FBXW7: variants seen among roughly 807,000 people sequenced by gnomAD.
FBXW7 encodes the protein F-box and WD repeat domain containing 7.
A neutral mutation model predicts 86.3 loss-of-function variants in FBXW7; 11 were observed. The observed-to-expected ratio is 0.13, with a 90% CI of 0.08 to 0.21. The LOEUF (loss-of-function observed/expected upper bound fraction) is 0.21. Ranked by LOEUF, FBXW7 falls within the 10% of genes least tolerant of loss-of-function variation. The pLI, the probability that FBXW7 is intolerant of heterozygous loss-of-function variation, is 1.00. For synonymous variants in FBXW7, 313 were observed against 297.9 expected, an observed-to-expected ratio of 1.05 and a Z score of -0.52; for missense variants, 488 against 847.4, an observed-to-expected ratio of 0.58 and a Z score of 5.27.
intron 2 of FBXW7, among the ~76,000 whole-genome samples, chr4:152,438,025 T>C (rs915708484): frequency 6.6e-6 from 1 of 151,158 alleles, no homozygotes; most frequent in Admixed American, 6.6e-5. Context: ...AAATATAAAA[T>C]TAGCCGGGTG....
chr4:152,371,668 T>A (rs550898884), intron 4 of FBXW7, among the ~76,000 whole-genome samples: 1 of 152,142 alleles, frequency 6.6e-6, no homozygotes, highest in African/African-American at 2.4e-5. Context: ...ACACACTGTA[T>A]GTTGGCACAA....
chr4:152,525,695 T>C, intron 2 of FBXW7, among the ~76,000 whole-genome samples: 1 of 152,228 alleles, frequency 6.6e-6, no homozygotes, highest in East Asian at 1.9e-4. Flanking sequence ...CTTTATCCAA[T>C]CTGTCACTGA....
At chr4:152,534,087 C>T (rs532330549) in intron 2 of FBXW7, among the ~76,000 whole-genome samples, 141 of 151,872 alleles carry the variant, frequency 9.3e-4, no homozygotes, top group African/African-American at 3.2e-3. Flanking sequence ...TGACAAGATA[C>T]CTAAAATACA....
intron 2 of FBXW7, among the ~76,000 whole-genome samples, chr4:152,419,577 T>G (rs1365405466): frequency 1.3e-5 from 2 of 150,274 alleles, no homozygotes; most frequent in African/African-American, 4.9e-5. Context: ...TTATCTGCCT[T>G]CTGTAACGAC....
intron 2 of FBXW7, among the ~76,000 whole-genome samples, chr4:152,485,266 T>A (rs1745241639): frequency 6.6e-6 from 1 of 152,102 alleles, no homozygotes; most frequent in Non-Finnish European, 1.5e-5. Flanking sequence ...AACCTTCCTA[T>A]TAGAAAAAGT....
At position 152,530,070 on chromosome 4, in the gene FBXW7, TACACACAC is replaced by T. The variant is rs200498212; in HGVS notation, c.-120+4863_-120+4870del. 2.3e-3 allele frequency among the ~76,000 whole-genome samples: 288 copies of T among 124,672 alleles called. 2 individuals are homozygous for T. The highest frequency in any genetic ancestry group is 5.7e-3 in the African/African-American group (192 of 33,638). The allele number at this position is 124,672 out of a possible 152,430, so 81.8% of individuals were successfully genotyped here. A position where few individuals can be genotyped will look rare whatever the true frequency, so the allele number is the denominator to read the frequency against. ...GACCCCGTCACAAAAAAAAAAAAAA[TACACACAC>T]ACACACACACACACACACACACACG... On this transcript the variant is annotated intron_variant, in intron 2 of 13. Coordinates refer to ENST00000281708, the MANE Select transcript of FBXW7 (RefSeq NM_001349798.2).
chr4:152,362,844 A>AC (rs1578996167), intron 4 of FBXW7, among the ~76,000 whole-genome samples: 1 of 151,674 alleles, frequency 6.6e-6, no homozygotes, highest in East Asian at 1.9e-4. Context: ...AAAAAAAAAA[A>AC]AAAAACAACA....
At chr4:152,338,062 C>T (rs1730339727) in intron 6 of FBXW7, 126 bp from the exon 7 acceptor site, 2 of 738,464 alleles carry the variant, frequency 2.7e-6, no homozygotes, top group Admixed American at 7.8e-5. Context: ...AAAGTGGCTC[C>T]TTATAGTGAC....
chr4:152,503,825 C>G (rs1463880726), intron 2 of FBXW7, among the ~76,000 whole-genome samples: 1 of 152,080 alleles, frequency 6.6e-6, no homozygotes, highest in African/African-American at 2.4e-5. Context: ...CTGTATGATA[C>G]ACATTGAAAA....
intron 2 of FBXW7, among the ~76,000 whole-genome samples, chr4:152,429,047 G>A (rs1346195219): frequency 6.6e-6 from 1 of 151,966 alleles, no homozygotes; most frequent in Non-Finnish European, 1.5e-5. Context: ...AAAATTAGCT[G>A]GGCATGGTGA....
chr4:152,416,785 C>A (rs1271806759), intron 2 of FBXW7, among the ~76,000 whole-genome samples: 3 of 152,160 alleles, frequency 2.0e-5, no homozygotes, highest in Non-Finnish European at 4.4e-5. Flanking sequence ...AAAGACTATT[C>A]CTCAGTCCAC....
intron 4 of FBXW7, among the ~76,000 whole-genome samples, chr4:152,373,174 T>C (rs1268181546): frequency 7.2e-5 from 11 of 152,046 alleles, no homozygotes; most frequent in Admixed American, 7.2e-4. Flanking sequence ...CTACATTACT[T>C]ACTAGCTAAG....
At chr4:152,467,718 T>C (rs1743587749) in intron 2 of FBXW7, among the ~76,000 whole-genome samples, 1 of 152,198 alleles carries the variant, frequency 6.6e-6, no homozygotes, top group South Asian at 2.1e-4. Context: ...CCTATGACGA[T>C]TAAAACTTTG....
intron 4 of FBXW7, chr4:152,352,546 C>G (rs1731917461): frequency 6.2e-7 from 1 of 1,613,924 alleles, no homozygotes; most frequent in Non-Finnish European, 8.5e-7. Flanking sequence ...TTCTGTGCCC[C>G]CGTGTGTCCG....
At position 152,448,550 on chromosome 4, in the gene FBXW7, T is replaced by C. The variant is rs570970357; in HGVS notation, c.-119-36021A>G. On this transcript the variant is annotated intron_variant, in intron 2 of 13. Transcript: ENST00000281708. ...GAGCAGCAGGTCGAACGGCTCAACC[T>C]CTTCATTAAAGAAGAAATAATGCTG... 4.6e-5 allele frequency among the ~76,000 whole-genome samples: 7 copies of C among 152,300 alleles called. No individual in the cohort carries two copies. The South Asian group carries it at 1.4e-3, about 32-fold the overall frequency.
chr4:152,355,132 T>A (rs1429424121), intron 4 of FBXW7, among the ~76,000 whole-genome samples: 1 of 152,120 alleles, frequency 6.6e-6, no homozygotes, highest in East Asian at 1.9e-4. Flanking sequence ...TGACGTACTA[T>A]CAATGAAAAC....
intron 2 of FBXW7, among the ~76,000 whole-genome samples, chr4:152,514,970 T>C (rs1219110643): frequency 6.6e-6 from 1 of 152,180 alleles, no homozygotes; most frequent in Non-Finnish European, 1.5e-5. Flanking sequence ...TACCTCTGTT[T>C]ACGGTCCTGA....
At chr4:152,394,460 C>T (rs1193428575) in intron 4 of FBXW7, among the ~76,000 whole-genome samples, 2 of 151,994 alleles carry the variant, frequency 1.3e-5, no homozygotes, top group Non-Finnish European at 2.9e-5. Context: ...AAATATCTGT[C>T]GGGGATCAAG....
rs191524246 is a variant in FBXW7 at position 152,429,915 on chromosome 4, T to C, written c.-119-17386A>G. ...TTTCTGCTAATATTTTAGTTCTGTATCTTGAGTAGCTAAATTGGTGTTGTA... is the reference window on the plus strand; with the variant it reads ...TTTCTGCTAATATTTTAGTTCTGTACCTTGAGTAGCTAAATTGGTGTTGTA... On this transcript the variant is annotated intron_variant, in intron 2 of 13. Transcript: ENST00000281708. Among the ~76,000 whole-genome samples the C allele has an allele frequency of 3.9e-5, 6 of 152,356 alleles. No homozygotes were observed. The East Asian group carries it at 1.2e-3, about 29-fold the overall frequency.
Sources: allele counts gnomAD v4.1 joint callset (sites outside exome capture counted in the v4.1 genomes callset), GRCh38; gene constraint gnomAD v4.1.1; transcripts MANE v1.5; gene names NCBI Gene and HGNC (gene_info 2026-07-23, HGNC 2026-07-21).